The following FOXK1 variants were observed in gnomAD, a reference collection of about 807,000 sequenced individuals.
FOXK1 encodes forkhead box protein K1.
FOXK1 carries 19 observed loss-of-function variants against 51.9 expected under a neutral mutation model. That is an observed-to-expected ratio of 0.37 (90% CI 0.26 to 0.54). The LOEUF is 0.54. Among genes scored for constraint, FOXK1 ranks in the 20% least tolerant of loss-of-function variants. The pLI is 0.87. For missense variants in FOXK1, 870 were observed against 1,032.7 expected (o/e 0.84, Z 2.16); for synonymous variants, 537 against 482.6 (o/e 1.11, Z -1.48).
In FOXK1 at chr7:4,756,703, T is replaced by TG. The variant is rs772060971; in HGVS notation, c.1051-290dup. On this transcript the variant is annotated intron_variant, in intron 4 of 8. Coordinates refer to ENST00000328914, the MANE Select transcript of FOXK1 (RefSeq NM_001037165.2). The surrounding 1 kb of genome is among the most constrained non-coding windows in gnomAD (Gnocchi z 4.1). The stretch of plus-strand genomic sequence containing the variant: ...TCCCTTGAACCCGGGAGGCGGAACT[T>TG]GCAGTGAGCCGAGATCGTGCCACTG... 1.3e-5 allele frequency among the ~76,000 whole-genome samples: 2 copies of TG among 151,406 alleles called. No individual in the cohort carries two copies. Among genetic ancestry groups the TG allele is most frequent in the Non-Finnish European group, 2.9e-5 (2 of 67,920 alleles).
intron 2 of FOXK1, among the ~76,000 whole-genome samples, chr7:4,742,958 G>A (rs1428319862): frequency 6.6e-6 from 1 of 152,216 alleles, no homozygotes; most frequent in African/African-American, 2.4e-5. Flanking sequence ...GTGCTGCTGC[G>A]GAAAGGAGAG....
At chr7:4,705,272 C>G (rs1429617045) in intron 1 of FOXK1, among the ~76,000 whole-genome samples, 1 of 152,130 alleles carries the variant, frequency 6.6e-6, no homozygotes, top group Non-Finnish European at 1.5e-5. Flanking sequence ...ACTGCAGCCT[C>G]AAACTCCTGG....
rs1780697152 is a variant in FOXK1, at chr7:4,745,936, A to C, written c.746+4913A>C. 1.3e-5 allele frequency among the ~76,000 whole-genome samples: 2 copies of C among 152,178 alleles called. No individual in the cohort carries two copies. The highest frequency in any genetic ancestry group is 1.3e-4 in the Admixed American group (2 of 15,278). The stretch of plus-strand genomic sequence containing the variant: ...ATTAAAGTATTTAATGAAAGAATTC[A>C]AGTAGTTAATCATTTTCTAGGTTCC... On this transcript the variant is annotated intron_variant, in intron 2 of 8. Transcript: ENST00000328914. This position sits in a 1 kb window ranked among gnomAD's most constrained non-coding sequence, Gnocchi z 4.3.
chr7:4,744,904 TTGTTACAATAAAAGCCTCTC>T (rs1377809625), intron 2 of FOXK1, among the ~76,000 whole-genome samples: 1 of 152,262 alleles, frequency 6.6e-6, no homozygotes, highest in Admixed American at 6.5e-5. Flanking sequence ...TGGCCTTCCA[TTGTTACAATAAAAGCCTCTC>T]TGTTTACATC....
intron 2 of FOXK1, among the ~76,000 whole-genome samples, chr7:4,744,213 G>C (rs1216973050): frequency 2.6e-5 from 4 of 152,224 alleles, no homozygotes; most frequent in African/African-American, 9.6e-5. Flanking sequence ...TTGCGAAGGA[G>C]TTAAGTGATA....
chr7:4,726,304 G>A (rs751861128), intron 1 of FOXK1, among the ~76,000 whole-genome samples: 17 of 152,208 alleles, frequency 1.1e-4, no homozygotes, highest in South Asian at 4.1e-4. Flanking sequence ...GCGGCAGGAC[G>A]GCGATCACCT....
chr7:4,759,241 C>T (rs757905106), intron 6 of FOXK1, 24 bp downstream of exon 6: 9 of 831,134 alleles, frequency 1.1e-5, no homozygotes, highest in Non-Finnish European at 1.5e-5. Flanking sequence ...GGCCCTCTTG[C>T]GGGGCGGGGC....
intron 7 of FOXK1, among the ~76,000 whole-genome samples, chr7:4,760,366 C>G (rs1259187966): frequency 6.6e-6 from 1 of 152,208 alleles, no homozygotes; most frequent in Non-Finnish European, 1.5e-5. Context: ...TGCAGTTAGG[C>G]AGCGCCCTCC....
chr7:4,717,868 T>C (rs1167783801), intron 1 of FOXK1, among the ~76,000 whole-genome samples: 1 of 152,232 alleles, frequency 6.6e-6, no homozygotes, highest in African/African-American at 2.4e-5. Flanking sequence ...CCCGCGTCTT[T>C]GGGCTCTGGT....
At position 4,722,866 on chromosome 7, in the gene FOXK1, C is replaced by T. The variant is rs1051274926; in HGVS notation, c.561-17972C>T. 4.6e-5 allele frequency among the ~76,000 whole-genome samples: 7 copies of T among 152,044 alleles called. No individual in the cohort carries two copies. The highest frequency in any genetic ancestry group is 7.2e-5 in the African/African-American group (3 of 41,398). ...CCTCTCTCGTTTGGGCTCCGGTTCC[C>T]GCAGAATTGGCATCCAGGTGAGGTG... On this transcript the variant is annotated intron_variant, in intron 1 of 8. Transcript: ENST00000328914. This position sits in a 1 kb window ranked among gnomAD's most constrained non-coding sequence, Gnocchi z 5.1.
intron 1 of FOXK1, among the ~76,000 whole-genome samples, chr7:4,687,125 G>T (rs571411434): frequency 6.6e-6 from 1 of 151,954 alleles, no homozygotes; most frequent in African/African-American, 2.4e-5. Flanking sequence ...GTAGAGACGG[G>T]GTTTCACCGT....
chr7:4,741,069 G>A (rs779928931), intron 2 of FOXK1, 46 bp downstream of exon 2: 27 of 1,360,678 alleles, frequency 2.0e-5, no homozygotes, highest in Non-Finnish European at 2.5e-5. Flanking sequence ...GAGAGAGGGG[G>A]ATGATGCGAG....
At position 4,707,890 on chromosome 7, in the gene FOXK1, G is replaced by T. The variant is rs1363381054; in HGVS notation, c.560+25022G>T. On this transcript the variant is annotated intron_variant, in intron 1 of 8. Coordinates refer to ENST00000328914, the MANE Select transcript of FOXK1 (RefSeq NM_001037165.2). This position sits in a 1 kb window ranked among gnomAD's most constrained non-coding sequence, Gnocchi z 4.1. ...GTAGAGATGGGGTTTCACCATGTTG[G>T]CCAGGCTGGTCACGAACTCCTGCCC... 6.6e-6 allele frequency among the ~76,000 whole-genome samples: 1 copy of T among 151,996 alleles called. No individual in the cohort carries two copies. Among genetic ancestry groups the T allele is most frequent in the Non-Finnish European group, 1.5e-5 (1 of 68,006 alleles).
In FOXK1 at chr7:4,769,819, A is replaced by G. The variant is rs1409796174; in HGVS notation, c.*7355A>G. On this transcript the variant is annotated 3_prime_UTR_variant, in exon 9 of 9. Transcript: ENST00000328914. This position sits in a 1 kb window ranked among gnomAD's most constrained non-coding sequence, Gnocchi z 4.1. ...GTTTTAGCGTGATACTACAATGGAA[A>G]GACTCCTAGTTGGTTATTCTTTATC... is the stretch of plus-strand genomic sequence containing the variant. 1 of 152,284 alleles carries G rather than the reference A, an allele frequency of 6.6e-6. No individual in the cohort carries two copies. The highest frequency in any genetic ancestry group is 2.1e-4 in the South Asian group (1 of 4,826). 9.4% of individuals were successfully genotyped at this position (152,284 alleles called of 1,614,324 possible).
intron 7 of FOXK1, among the ~76,000 whole-genome samples, chr7:4,760,433 C>A (rs1263332210): frequency 3.3e-5 from 5 of 152,156 alleles, no homozygotes; most frequent in Non-Finnish European, 5.9e-5. Flanking sequence ...TCAATGCTGC[C>A]GTAATGAAAC....
Position 4,730,222 on chromosome 7 carries a change from G to A in FOXK1, c.561-10616G>A, listed in dbSNP as rs1363842875. 1.3e-5 allele frequency among the ~76,000 whole-genome samples: 2 copies of A among 152,156 alleles called. No homozygotes were observed. The highest frequency in any genetic ancestry group is 3.9e-4 in the East Asian group (2 of 5,194). On this transcript the variant is annotated intron_variant, in intron 1 of 8. Coordinates refer to ENST00000328914, the MANE Select transcript of FOXK1 (RefSeq NM_001037165.2). The surrounding 1 kb of genome is among the most constrained non-coding windows in gnomAD (Gnocchi z 4.7). The stretch of plus-strand genomic sequence containing the variant: ...ATAAGAACTTATAAACACTAAAACT[G>A]CTACCGGGTTTTAATTCACACACAC...
chr7:4,700,116 CT>C (rs765146577), intron 1 of FOXK1, among the ~76,000 whole-genome samples: 9 of 152,254 alleles, frequency 5.9e-5, no homozygotes, highest in Non-Finnish European at 1.2e-4. Context: ...TTAGGTCCCA[CT>C]GGCTTGCACT....
chr7:4,759,802 G>T, intron 7 of FOXK1: 1 of 645,542 alleles, frequency 1.5e-6, no homozygotes, highest in South Asian at 2.1e-5. Flanking sequence ...AGGCCAAAGC[G>T]GGTGGATTAC....
intron 1 of FOXK1, 101 bp from the exon 2 acceptor site, chr7:4,740,737 C>T (rs996504942): frequency 1.4e-5 from 17 of 1,202,214 alleles, no homozygotes; most frequent in African/African-American, 4.8e-5. Context: ...TTGAGAGTTA[C>T]GGTCCAGTTA....
Sources: allele counts gnomAD v4.1 joint callset (sites outside exome capture counted in the v4.1 genomes callset), GRCh38; gene constraint gnomAD v4.1.1; non-coding constraint Gnocchi (gnomAD v3.1); transcripts MANE v1.5; gene names NCBI Gene and HGNC (gene_info 2026-07-23, HGNC 2026-07-21).